The following MROH1 variants were observed in gnomAD, a reference collection of about 807,000 sequenced individuals.
MROH1 encodes maestro heat like repeat family member 1.
A neutral mutation model predicts 116.5 loss-of-function variants in MROH1; 117 were observed. The observed-to-expected ratio is 1.00, with a 90% CI of 0.86 to 1.17. The LOEUF is 1.17. MROH1 is among the 50% of genes most tolerant of loss of function. The pLI is 0.00. For missense variants in MROH1, 1,873 were observed against 1,338.5 expected (o/e 1.40, Z -6.23); for synonymous variants, 921 against 583.9 (o/e 1.58, Z -8.32).
At chr8:144,247,468 G>T in intron 30 of MROH1, 32 bp downstream of exon 30, 1 of 766,730 alleles carries the variant, frequency 1.3e-6, no homozygotes, top group African/African-American at 1.7e-5. Context: ...GGGGGCCAGT[G>T]GTCGTGCAGG....
At chr8:144,158,804 G>GTGTGATCTCTGCTCACTGC (rs1818797045) in intron 1 of MROH1, among the ~76,000 whole-genome samples, 1 of 151,900 alleles carries the variant, frequency 6.6e-6, no homozygotes, top group Admixed American at 6.6e-5. Flanking sequence ...GAGCACAGTG[G>GTGTGATCTCTGCTCACTGC]TGTGATCTCT....
chr8:144,165,371 G>A (rs765093306), intron 3 of MROH1, among the ~76,000 whole-genome samples: 29 of 151,658 alleles, frequency 1.9e-4, no homozygotes, highest in Non-Finnish European at 3.5e-4. Context: ...CATCTACCTC[G>A]GCCTCCTAAA....
chr8:144,245,528 T>C (rs1841740801), intron 29 of MROH1, among the ~76,000 whole-genome samples: 1 of 152,256 alleles, frequency 6.6e-6, no homozygotes, highest in Non-Finnish European at 1.5e-5. Flanking sequence ...CGGTGCTTGA[T>C]TTGGTTGGCG....
chr8:144,181,283 T>TGGGGGAGGGGCCCGGTGAG (rs1825600923), intron 7 of MROH1, among the ~76,000 whole-genome samples: 1 of 42,748 alleles, frequency 2.3e-5, no homozygotes, highest in Non-Finnish European at 5.3e-5. Flanking sequence ...GACCCAGTGA[T>TGGGGGAGGGGCCCGGTGAG]GGGGGAGGGG....
At position 144,259,980 on chromosome 8, in the gene MROH1, CAGA is replaced by C. The variant is rs1554834803; in HGVS notation, c.4117_4119del (p.Lys1373del). ...GCTGCTGGAGAGCCTGGCGGCTCGC[CAGA>C]AGGACACATGCGCCAGCGTGCGGAG... On this transcript the variant is annotated inframe_deletion, in exon 38 of 44. Transcript: ENST00000326134. 6.5e-5 allele frequency: 48 copies of C among 739,268 alleles called. 1 individual carries two copies. The highest frequency in any genetic ancestry group is 4.9e-4 in the South Asian group (34 of 69,740). 45.8% of individuals were successfully genotyped at this position (739,268 alleles called of 1,614,324 possible). A position where few individuals can be genotyped will look rare whatever the true frequency, so the allele number is the denominator to read the frequency against.
chr8:144,232,094 A>C (rs1476567715), intron 14 of MROH1, among the ~76,000 whole-genome samples: 3 of 152,204 alleles, frequency 2.0e-5, no homozygotes, highest in African/African-American at 7.2e-5. Flanking sequence ...TATAATCCAT[A>C]ATCTATAGTA....
At chr8:144,192,821 G>C (rs966750643) in intron 10 of MROH1, 1 of 347,306 alleles carries the variant, frequency 2.9e-6, no homozygotes, top group Non-Finnish European at 5.6e-6. Flanking sequence ...AGTGATGTGG[G>C]GAGGAGGCTG....
intron 35 of MROH1, among the ~76,000 whole-genome samples, chr8:144,256,801 C>T (rs1003413556): frequency 2.6e-5 from 4 of 152,252 alleles, no homozygotes; most frequent in Non-Finnish European, 5.9e-5. Flanking sequence ...CTAACACATT[C>T]GTGAGCCAAA....
intron 42 of MROH1, 26 bp downstream of exon 42, chr8:144,261,242 C>A: frequency 1.3e-6 from 1 of 761,206 alleles, no homozygotes; most frequent in Non-Finnish European, 2.4e-6. Context: ...TGCCCCACCC[C>A]CACGCCGCCC....
intron 4 of MROH1, among the ~76,000 whole-genome samples, chr8:144,172,451 G>A (rs990704427): frequency 5.5e-5 from 8 of 145,654 alleles, no homozygotes; most frequent in African/African-American, 7.7e-5. Context: ...TTGCTCTGTC[G>A]CCCAAGCTGG....
chr8:144,168,589 T>C, intron 4 of MROH1, 149 bp downstream of exon 4: 1 of 867,178 alleles, frequency 1.2e-6, no homozygotes, highest in Non-Finnish European at 1.7e-6. Flanking sequence ...CACGTGCCTA[T>C]GTCAGGGTGG....
In MROH1 at chr8:144,244,215, C is replaced by T. The variant is rs1841498057; in HGVS notation, c.2556-7C>T. ...TCATTGTCTGGGGCCCTTAACTTGC[C>T]TCTCAGCTCCGTGGAGCCAGCGCTG... On this transcript the variant is annotated splice_region_variant and splice_polypyrimidine_tract_variant and intron_variant, in intron 26 of 43. Coordinates refer to ENST00000326134, the MANE Select transcript of MROH1 (RefSeq NM_032450.3). The T allele has an allele frequency of 5.6e-6, 4 of 717,256 alleles. No individual in the cohort carries two copies. In the South Asian group the frequency reaches 5.9e-5, roughly 11 times the overall value. The allele number at this position is 717,256 out of a possible 1,614,324, so 44.4% of individuals were successfully genotyped here.
intron 12 of MROH1, among the ~76,000 whole-genome samples, chr8:144,219,860 G>A (rs1372081749): frequency 6.6e-6 from 1 of 152,184 alleles, no homozygotes; most frequent in Admixed American, 6.6e-5. Context: ...CAGCTTTAAG[G>A]CACTGGGTTC....
intron 12 of MROH1, among the ~76,000 whole-genome samples, chr8:144,210,698 C>A (rs13255246): frequency 4.8e-5 from 5 of 103,928 alleles, no homozygotes; most frequent in African/African-American, 9.1e-5. Context: ...CTCTCTCTCT[C>A]TCTATCTCTC....
chr8:144,221,307 A>C (rs1023513939), intron 13 of MROH1, among the ~76,000 whole-genome samples: 3 of 152,164 alleles, frequency 2.0e-5, no homozygotes, highest in African/African-American at 4.8e-5. Flanking sequence ...CTAAGACCCC[A>C]GGTGGACAAG....
chr8:144,155,887 C>A (rs1383274598), intron 1 of MROH1, among the ~76,000 whole-genome samples: 2 of 151,970 alleles, frequency 1.3e-5, no homozygotes, highest in African/African-American at 2.4e-5. Flanking sequence ...TCTGCCTCAG[C>A]CTCCCGGAGT....
Position 144,248,863 on chromosome 8 carries a change from C to T in MROH1, c.3121-14C>T, listed in dbSNP as rs1171980278. 6 of 777,718 alleles carry T rather than the reference C, an allele frequency of 7.7e-6. No individual in the cohort carries two copies. Among genetic ancestry groups the T allele is most frequent in the South Asian group, 2.7e-5 (2 of 73,664 alleles). 48.2% of individuals were successfully genotyped at this position (777,718 alleles called of 1,614,324 possible). ...CCCCCCTTCCCTCAACCTCTGGCAT[C>T]GCCTTCCTCCTAGATTATTGCCAAG... On this transcript the variant is annotated splice_polypyrimidine_tract_variant and intron_variant, in intron 31 of 43. Coordinates refer to ENST00000326134, the MANE Select transcript of MROH1 (RefSeq NM_032450.3).
intron 12 of MROH1, among the ~76,000 whole-genome samples, chr8:144,203,532 CGGAGA>C (rs1832150852): frequency 7.8e-6 from 1 of 128,678 alleles, no homozygotes; most frequent in Non-Finnish European, 1.7e-5. Context: ...TGGAGTGGCC[CGGAGA>C]GGAGCGCCCG....
chr8:144,214,643 AT>A (rs1834871953), intron 12 of MROH1, among the ~76,000 whole-genome samples: 1 of 151,824 alleles, frequency 6.6e-6, no homozygotes, highest in South Asian at 2.1e-4. Context: ...TGTGTTCTGC[AT>A]TCTCGTGTGG....
Sources: allele counts gnomAD v4.1 joint callset (sites outside exome capture counted in the v4.1 genomes callset), GRCh38; gene constraint gnomAD v4.1.1; transcripts MANE v1.5; gene names NCBI Gene and HGNC (gene_info 2026-07-23, HGNC 2026-07-21).